Variants in CEP70 observed in about 807,000 individuals in gnomAD.
CEP70 encodes the protein centrosomal protein of 70 kDa.
CEP70 carries 70 observed loss-of-function variants against 90.9 expected under a neutral mutation model. The ratio of observed to expected loss-of-function variants is 0.77; its 90% confidence interval spans 0.64 to 0.94. CEP70 has a LOEUF of 0.94. CEP70 is among the 40% of genes least tolerant of loss of function. CEP70 has a pLI of 0.00. For synonymous variants in CEP70, 220 were observed against 228.3 expected, an observed-to-expected ratio of 0.96 and a Z score of 0.33; for missense variants, 648 against 669.0, an observed-to-expected ratio of 0.97 and a Z score of 0.35.
At chr3:138,556,268 G>A (rs1038610815) in intron 6 of CEP70, among the ~76,000 whole-genome samples, 5 of 152,126 alleles carry the variant, frequency 3.3e-5, no homozygotes, top group South Asian at 2.1e-4. Context: ...GGTGGCTCAC[G>A]CCTGTAATCC....
chr3:138,580,190 T>C (rs1300019348), intron 2 of CEP70, among the ~76,000 whole-genome samples: 3 of 152,058 alleles, frequency 2.0e-5, no homozygotes, highest in African/African-American at 7.2e-5. Flanking sequence ...TCAGCCTCAG[T>C]AGAATAGAGC....
chr3:138,495,053 C>CA lies in CEP70; in HGVS notation c.1755dup (p.Val586CysfsTer23). On this transcript the variant is annotated frameshift_variant, in exon 18 of 18. Coordinates refer to ENST00000264982, the MANE Select transcript of CEP70 (RefSeq NM_024491.4). LOFTEE classifies it high-confidence loss of function. ...ACTTTTAATTTCTTTACTGCAGGTA[C>CA]AATGGCATCCAAGTCATCAATTTCT... 1 of 1,555,656 alleles carries CA rather than the reference C, an allele frequency of 6.4e-7. No homozygotes were observed. The highest frequency in any genetic ancestry group is 8.9e-7 in the Non-Finnish European group (1 of 1,129,470).
chr3:138,529,752 G>A (rs1167477312), intron 8 of CEP70, among the ~76,000 whole-genome samples: 1 of 152,094 alleles, frequency 6.6e-6, no homozygotes, highest in African/African-American at 2.4e-5. Context: ...GAATATAAGA[G>A]GAGGTGAAAA....
At chr3:138,497,173 A>C in intron 17 of CEP70, 1 of 1,177,754 alleles carries the variant, frequency 8.5e-7, no homozygotes, top group Non-Finnish European at 1.1e-6. Context: ...TCCCCACTGC[A>C]CATAAGACTG....
intron 6 of CEP70, among the ~76,000 whole-genome samples, chr3:138,537,843 G>A (rs1344660979): frequency 6.6e-6 from 1 of 152,068 alleles, no homozygotes; most frequent in Non-Finnish European, 1.5e-5. Flanking sequence ...AAGCAATCTG[G>A]CTTCACTTCC....
Position 138,500,149 on chromosome 3 carries a change from T to C in CEP70, c.1613A>G (p.Glu538Gly). ...LCRLINEDVNEQVMQVLGPED... is the reference protein window; with the variant it reads ...LCRLINEDVNGQVMQVLGPED... ...AGGTCCTAATACCTGCATAACCTGC[T>C]CATTCACATCTTCATTAATCAGCCT... Residue 538 changes from glutamate (E) to glycine (G), a missense_variant, in exon 16 of 18, where the codon GAG (glutamate) becomes GGG (glycine). Physicochemically the swap from Glu to Gly is moderately conservative, Grantham distance 98. Transcript: ENST00000264982. 6.2e-7 allele frequency: 1 copy of C among 1,613,818 alleles called. No homozygotes were observed. Among genetic ancestry groups the C allele is most frequent in the East Asian group, 2.2e-5 (1 of 44,876 alleles).
intron 11 of CEP70, among the ~76,000 whole-genome samples, chr3:138,514,969 G>T (rs2035869626): frequency 6.6e-6 from 1 of 152,026 alleles, no homozygotes; most frequent in African/African-American, 2.4e-5. Context: ...AAATTTAGCA[G>T]AAAAATATAG....
intron 2 of CEP70, among the ~76,000 whole-genome samples, chr3:138,576,813 C>G (rs2041559361): frequency 6.6e-6 from 1 of 152,192 alleles, no homozygotes; most frequent in Non-Finnish European, 1.5e-5. Context: ...CAAAACCGCA[C>G]AACTACATGG....
chr3:138,592,659 G>C (rs1312068830), intron 1 of CEP70, among the ~76,000 whole-genome samples: 5 of 152,094 alleles, frequency 3.3e-5, no homozygotes, highest in Admixed American at 3.3e-4. Flanking sequence ...GCACTTTCTA[G>C]GTTTCCCGAG....
Position 138,591,947 on chromosome 3 carries a change from G to T in CEP70, c.-99C>A. ...CCCAACGAGTCTCATGTCTGAAACT[G>T]GATCTTCATCTAGGTTTCAAAAAGA... On this transcript the variant is annotated 5_prime_UTR_variant, in exon 2 of 18. Transcript: ENST00000264982. 2 of 1,014,354 alleles carry T rather than the reference G, an allele frequency of 2.0e-6. No individual in the cohort carries two copies. Among genetic ancestry groups the T allele is most frequent in the Admixed American group, 3.1e-5 (1 of 32,134 alleles). The allele number at this position is 1,014,354 out of a possible 1,614,324, so 62.8% of individuals were successfully genotyped here.
intron 8 of CEP70, among the ~76,000 whole-genome samples, chr3:138,529,801 T>A (rs2037645856): frequency 6.6e-6 from 1 of 152,178 alleles, no homozygotes; most frequent in South Asian, 2.1e-4. Context: ...AGGTGGAACA[T>A]CCATGTTCTT....
intron 11 of CEP70, among the ~76,000 whole-genome samples, chr3:138,511,062 G>A (rs983270074): frequency 2.2e-4 from 33 of 151,772 alleles, no homozygotes; most frequent in African/African-American, 7.5e-4. Context: ...TAGTAGAAAC[G>A]GTGTTTTACC....
chr3:138,542,598 C>T (rs564105689), intron 6 of CEP70, among the ~76,000 whole-genome samples: 228 of 152,320 alleles, frequency 1.5e-3, no homozygotes, highest in African/African-American at 5.2e-3. Flanking sequence ...CACCAGGTGC[C>T]AGTGGAGGGT....
At chr3:138,495,871 G>A (rs968869206) in intron 17 of CEP70, 2 of 984,548 alleles carry the variant, frequency 2.0e-6, no homozygotes, top group Admixed American at 6.2e-5. Context: ...ACAATTATCT[G>A]CCTAATCAAA....
At chr3:138,579,580 T>C (rs1348432523) in intron 2 of CEP70, among the ~76,000 whole-genome samples, 1 of 151,712 alleles carries the variant, frequency 6.6e-6, no homozygotes, top group Non-Finnish European at 1.5e-5. Flanking sequence ...TTCCAGACCC[T>C]AGCTCCCAAA....
At chr3:138,564,741 T>C (rs2040656937) in intron 6 of CEP70, among the ~76,000 whole-genome samples, 1 of 152,110 alleles carries the variant, frequency 6.6e-6, no homozygotes, top group African/African-American at 2.4e-5. Context: ...CCCAATATCA[T>C]ACTGAATGGG....
At position 138,505,281 on chromosome 3, in the gene CEP70, A is replaced by T; in HGVS notation, c.1221+14T>A. 6.3e-7 allele frequency: 1 copy of T among 1,582,780 alleles called. No individual in the cohort carries two copies. Among genetic ancestry groups the T allele is most frequent in the African/African-American group, 1.4e-5 (1 of 73,752 alleles). ...ATAGATGTTCAAAGCATATAATCAT[A>T]GTCAACCCCTTACCTTTAAGGATGT... is the stretch of plus-strand genomic sequence containing the variant. On this transcript the variant is annotated intron_variant, in intron 13 of 17. Transcript: ENST00000264982.
At chr3:138,588,208 C>T (rs1201675197) in intron 2 of CEP70, among the ~76,000 whole-genome samples, 2 of 152,014 alleles carry the variant, frequency 1.3e-5, no homozygotes, top group African/African-American at 4.8e-5. Context: ...TATGATATGA[C>T]ACCAAAAGCA....
intron 2 of CEP70, among the ~76,000 whole-genome samples, chr3:138,581,714 AAGAAT>A (rs1009157332): frequency 2.0e-5 from 3 of 150,548 alleles, no homozygotes; most frequent in African/African-American, 7.3e-5. Context: ...AAAAAAAAAA[AAGAAT>A]AAGAAAAGAA....
Sources: allele counts gnomAD v4.1 joint callset (sites outside exome capture counted in the v4.1 genomes callset), GRCh38; gene constraint gnomAD v4.1.1; transcripts MANE v1.5; gene names NCBI Gene and HGNC (gene_info 2026-07-23, HGNC 2026-07-21).